CARMIL1: variants seen among roughly 807,000 people sequenced by gnomAD.
CARMIL1 encodes the protein capping protein regulator and myosin 1 linker 1, also known as F-actin-uncapping protein LRRC16A.
Under a neutral mutation model 177.1 loss-of-function variants are expected in CARMIL1, and 90 were observed. The observed-to-expected ratio is 0.51, with a 90% CI of 0.43 to 0.61. The LOEUF is 0.61. Among genes scored for constraint, CARMIL1 ranks in the 20% least tolerant of loss-of-function variants. CARMIL1 has a pLI of 0.00. For synonymous variants in CARMIL1, 577 were observed against 606.2 expected, an observed-to-expected ratio of 0.95 and a Z score of 0.71; for missense variants, 1,380 against 1,667.0, an observed-to-expected ratio of 0.83 and a Z score of 3.00.
At chr6:25,279,905 C>A in intron 1 of CARMIL1, 70 bp downstream of exon 1, 2 of 1,543,650 alleles carry the variant, frequency 1.3e-6, no homozygotes, top group Non-Finnish European at 1.8e-6. Context: ...CCCTTCCCAC[C>A]TCTGCTTTCC....
rs751338570 is a variant in CARMIL1 at position 25,551,110 on chromosome 6, T to C, written c.2504+25T>C. The C allele has an allele frequency of 1.4e-5, 23 of 1,587,862 alleles. No homozygotes were observed. In the South Asian group the frequency reaches 2.4e-4, roughly 16 times the overall value. ...GGTAGGTTTATAATGTTAATAAACC[T>C]AGGAGCTGCAGTTTCTGTAAATGCA... On this transcript the variant is annotated intron_variant, in intron 27 of 36. Coordinates refer to ENST00000329474, the MANE Select transcript of CARMIL1 (RefSeq NM_017640.6).
chr6:25,379,641 A>T (rs1404073058), intron 2 of CARMIL1, among the ~76,000 whole-genome samples: 3 of 152,086 alleles, frequency 2.0e-5, no homozygotes, highest in African/African-American at 7.2e-5. Context: ...GATGGAATGA[A>T]CCTTCTGGTG....
intron 2 of CARMIL1, among the ~76,000 whole-genome samples, chr6:25,345,616 T>C (rs9393641): frequency 0.21 from 32,382 of 152,034 alleles, 3,680 homozygotes; most frequent in South Asian, 0.34. Context: ...GTGTCATTCT[T>C]TTCTTTTATT....
chr6:25,299,602 G>A (rs147472607), intron 2 of CARMIL1, among the ~76,000 whole-genome samples: 121 of 152,184 alleles, frequency 8.0e-4, no homozygotes, highest in African/African-American at 2.7e-3. Flanking sequence ...TGCATGATAG[G>A]ATGTTTACCA....
intron 5 of CARMIL1, 53 bp from the exon 6 acceptor site, chr6:25,449,845 G>T: frequency 9.9e-7 from 1 of 1,006,172 alleles, no homozygotes; most frequent in Non-Finnish European, 1.5e-6. Context: ...TTATTTCTAT[G>T]TGCAGTCAAA....
chr6:25,284,602 G>A (rs1206035295), intron 1 of CARMIL1, among the ~76,000 whole-genome samples: 8 of 152,128 alleles, frequency 5.3e-5, no homozygotes, highest in Non-Finnish European at 4.4e-5. Flanking sequence ...TCAGCTGTTC[G>A]GGAAGCTGAG....
Position 25,517,327 on chromosome 6 carries a change from G to T in CARMIL1, c.1806-20G>T. 1 of 1,591,926 alleles carries T rather than the reference G, an allele frequency of 6.3e-7. No homozygotes were observed. The highest frequency in any genetic ancestry group is 8.6e-7 in the Non-Finnish European group (1 of 1,160,528). On this transcript the variant is annotated intron_variant, in intron 21 of 36. Coordinates refer to ENST00000329474, the MANE Select transcript of CARMIL1 (RefSeq NM_017640.6). Reference sequence around the variant, plus strand: ...TTTCTTTAAGTGTCTGATCATTTATGTGATTTGATTTTCAAACAGGACTGT... The same window carrying T: ...TTTCTTTAAGTGTCTGATCATTTATTTGATTTGATTTTCAAACAGGACTGT...
In CARMIL1 at chr6:25,556,713, A is replaced by C. The variant is rs1810633015; in HGVS notation, c.2605A>C (p.Ser869Arg). Residue 869 changes from serine to arginine, a missense_variant, in exon 29 of 37, where the codon AGC becomes CGC. Coordinates refer to ENST00000329474, the MANE Select transcript of CARMIL1 (RefSeq NM_017640.6). ...CTTGACCTTCTAGGCTGACCATTTCAGCAGACGTGGCAAGACCCTTCCTCA... is the reference window on the plus strand; with the variant it reads ...CTTGACCTTCTAGGCTGACCATTTCCGCAGACGTGGCAAGACCCTTCCTCA... ...HCHHKLADHF[S>R]RRGKTLPQQE... The C allele has an allele frequency of 6.2e-7, 1 of 1,612,910 alleles. No individual in the cohort carries two copies. Among genetic ancestry groups the C allele is most frequent in the African/African-American group, 1.3e-5 (1 of 74,838 alleles).
intron 2 of CARMIL1, among the ~76,000 whole-genome samples, chr6:25,351,562 C>T (rs1444747725): frequency 6.6e-6 from 1 of 152,222 alleles, no homozygotes; most frequent in Non-Finnish European, 1.5e-5. Flanking sequence ...CTTAACTGCT[C>T]ACTTTACGGT....
At chr6:25,375,844 C>T (rs1581726243) in intron 2 of CARMIL1, among the ~76,000 whole-genome samples, 2 of 152,238 alleles carry the variant, frequency 1.3e-5, no homozygotes, top group South Asian at 4.1e-4. Flanking sequence ...ATTGGTTTTT[C>T]TTCAGAATAT....
chr6:25,459,606 C>CA (rs917860568), intron 8 of CARMIL1, among the ~76,000 whole-genome samples: 6 of 151,582 alleles, frequency 4.0e-5, no homozygotes, highest in Admixed American at 6.6e-5. Context: ...ATAACAAAAC[C>CA]AAAAAAACTC....
intron 2 of CARMIL1, among the ~76,000 whole-genome samples, chr6:25,351,762 T>C (rs1480510456): frequency 1.3e-5 from 2 of 152,110 alleles, no homozygotes; most frequent in Non-Finnish European, 2.9e-5. Context: ...TCCTCCTCTA[T>C]AAATAATGGA....
chr6:25,392,054 ATG>A (rs36076582), intron 2 of CARMIL1, among the ~76,000 whole-genome samples: 14,215 of 138,904 alleles, frequency 0.1, 715 homozygotes, highest in African/African-American at 0.14. Flanking sequence ...GTGTATATGC[ATG>A]TGTGTGTGTG....
chr6:25,360,657 G>A (rs1327575981), intron 2 of CARMIL1, among the ~76,000 whole-genome samples: 4 of 152,222 alleles, frequency 2.6e-5, no homozygotes, highest in Non-Finnish European at 4.4e-5. Context: ...GTGCCCAAGA[G>A]GAGAGATTTG....
chr6:25,617,775 T>C (rs12191432), intron 36 of CARMIL1, among the ~76,000 whole-genome samples: 5,669 of 152,330 alleles, frequency 0.037, 167 homozygotes, highest in Non-Finnish European at 0.05. Flanking sequence ...TTTATTCACC[T>C]TTGTTCTCTA....
chr6:25,464,705 A>G (rs773792207), intron 8 of CARMIL1, among the ~76,000 whole-genome samples: 67 of 152,244 alleles, frequency 4.4e-4, no homozygotes, highest in Non-Finnish European at 9.1e-4. Flanking sequence ...GCTTAAAGCA[A>G]CAAACTATAA....
chr6:25,354,871 A>G (rs7748771), intron 2 of CARMIL1, among the ~76,000 whole-genome samples: 8,535 of 152,220 alleles, frequency 0.056, 285 homozygotes, highest in Non-Finnish European at 0.088. Flanking sequence ...ACAGTGAGTG[A>G]AATTTGACCC....
At chr6:25,364,527 C>T (rs1184226972) in intron 2 of CARMIL1, among the ~76,000 whole-genome samples, 9 of 151,998 alleles carry the variant, frequency 5.9e-5, no homozygotes, top group Admixed American at 5.9e-4. Context: ...TCCACTGTTG[C>T]CAATTTCTAT....
At chr6:25,401,951 C>G (rs985984) in intron 2 of CARMIL1, among the ~76,000 whole-genome samples, 7,890 of 151,342 alleles carry the variant, frequency 0.052, 278 homozygotes, top group Non-Finnish European at 0.087. Flanking sequence ...AGACCTGGCT[C>G]TCAGCCTACT....
Sources: allele counts gnomAD v4.1 joint callset (sites outside exome capture counted in the v4.1 genomes callset), GRCh38; gene constraint gnomAD v4.1.1; transcripts MANE v1.5; gene names NCBI Gene and HGNC (gene_info 2026-07-23, HGNC 2026-07-21).